Variants in TACR3 observed in about 807,000 individuals in gnomAD.
TACR3 encodes neuromedin-K receptor.
Under a neutral mutation model 35.0 loss-of-function variants are expected in TACR3, and 34 were observed. The ratio of observed to expected loss-of-function variants is 0.97; its 90% CI spans 0.74 to 1.30. The LOEUF (loss-of-function observed/expected upper bound fraction) is 1.30. TACR3 is among the 50% of genes most tolerant of loss of function. The pLI is 0.00. For synonymous variants in TACR3, 233 were observed against 221.1 expected, an observed-to-expected ratio of 1.05 and a Z score of -0.48; for missense variants, 558 against 591.7, an observed-to-expected ratio of 0.94 and a Z score of 0.59.
intron 1 of TACR3, among the ~76,000 whole-genome samples, chr4:103,699,727 A>C (rs1017263199): frequency 1.3e-5 from 2 of 152,140 alleles, no homozygotes; most frequent in Non-Finnish European, 2.9e-5. Flanking sequence ...ATATGTATGA[A>C]AGATGAGATG....
chr4:103,601,959 T>C (rs36137476), intron 3 of TACR3, among the ~76,000 whole-genome samples: 77,624 of 152,140 alleles, frequency 0.51, 23,164 homozygotes, highest in Non-Finnish European at 0.64. Context: ...GAAGTTCTCC[T>C]AGATAGTATC....
chr4:103,630,079 A>G (rs1417483863), intron 3 of TACR3, among the ~76,000 whole-genome samples: 1 of 152,176 alleles, frequency 6.6e-6, no homozygotes, highest in Admixed American at 6.5e-5. Flanking sequence ...GACAAAAACA[A>G]GAAATGGAGA....
chr4:103,639,140 C>G (rs1307218272), intron 3 of TACR3, among the ~76,000 whole-genome samples: 1 of 152,010 alleles, frequency 6.6e-6, no homozygotes, highest in Non-Finnish European at 1.5e-5. Context: ...CACATGCACA[C>G]GTATGTTTAT....
At position 103,719,446 on chromosome 4, in the gene TACR3, T is replaced by C; in HGVS notation, c.230A>G (p.Gln77Arg). The change falls in exon 1 of 5, where the codon CAG becomes CGG. Residue 77 changes from glutamine to arginine, a missense_variant. Transcript: ENST00000304883. ...PSQPWANLTNQFVQPSWRIAL... is the reference protein window; with the variant it reads ...PSQPWANLTNRFVQPSWRIAL... The stretch of plus-strand genomic sequence containing the variant: ...GATGCGCCAGGACGGCTGCACGAAC[T>C]GGTTGGTGAGGTTGGCCCAGGGCTG... 6.2e-7 allele frequency: 1 copy of C among 1,614,196 alleles called. No homozygotes were observed. Among genetic ancestry groups the C allele is most frequent in the Non-Finnish European group, 8.5e-7 (1 of 1,180,018 alleles).
At chr4:103,658,678 A>G (rs1658877410) in intron 1 of TACR3, among the ~76,000 whole-genome samples, 1 of 152,078 alleles carries the variant, frequency 6.6e-6, no homozygotes, top group Non-Finnish European at 1.5e-5. Context: ...AAGAACACCC[A>G]TCTCTTGGGG....
intron 1 of TACR3, among the ~76,000 whole-genome samples, chr4:103,681,194 AT>A (rs1467364100): frequency 6.6e-6 from 1 of 152,048 alleles, no homozygotes; most frequent in Admixed American, 6.6e-5. Context: ...AGGCAGTCAA[AT>A]CACATACAGT....
At chr4:103,717,779 T>G (rs1432438791) in intron 1 of TACR3, among the ~76,000 whole-genome samples, 1 of 151,430 alleles carries the variant, frequency 6.6e-6, no homozygotes, top group Admixed American at 6.6e-5. Context: ...TGTAGTAAGA[T>G]TAGAGGCAAT....
intron 3 of TACR3, among the ~76,000 whole-genome samples, chr4:103,607,356 A>G (rs528865333): frequency 6.6e-6 from 1 of 152,256 alleles, no homozygotes; most frequent in South Asian, 2.1e-4. Context: ...TTTCAGACTC[A>G]GTTTATGAAC....
At chr4:103,597,115 C>T (rs1453784565) in intron 3 of TACR3, among the ~76,000 whole-genome samples, 1 of 150,002 alleles carries the variant, frequency 6.7e-6, no homozygotes, top group Non-Finnish European at 1.5e-5. Flanking sequence ...GGGTATATAC[C>T]CAGTAATGGG....
intron 3 of TACR3, 63 bp downstream of exon 3, chr4:103,656,130 AT>A (rs1725729009): frequency 6.3e-7 from 1 of 1,580,318 alleles, no homozygotes; most frequent in Non-Finnish European, 8.7e-7. Flanking sequence ...CCATGACTAG[AT>A]TGCTTTTCTT....
intron 1 of TACR3, among the ~76,000 whole-genome samples, chr4:103,708,243 G>C (rs924818099): frequency 6.6e-6 from 1 of 152,170 alleles, no homozygotes; most frequent in African/African-American, 2.4e-5. Flanking sequence ...TAAATGGGAG[G>C]TACCCCTCCA....
chr4:103,716,245 G>C (rs1315342592), intron 1 of TACR3, among the ~76,000 whole-genome samples: 1 of 151,650 alleles, frequency 6.6e-6, no homozygotes, highest in African/African-American at 2.4e-5. Flanking sequence ...GTGTGTGTGT[G>C]TGTGTGTGTG....
At chr4:103,709,998 G>T (rs111419471) in intron 1 of TACR3, among the ~76,000 whole-genome samples, 6,630 of 152,240 alleles carry the variant, frequency 0.044, 170 homozygotes, top group Non-Finnish European at 0.05. Flanking sequence ...GGAGCACCCA[G>T]ATTCATAAAG....
chr4:103,662,881 G>T (rs1405274822), intron 1 of TACR3, among the ~76,000 whole-genome samples: 3 of 152,106 alleles, frequency 2.0e-5, no homozygotes, highest in African/African-American at 7.2e-5. Flanking sequence ...CAAACTTCCA[G>T]CCACCAGAAC....
chr4:103,656,157 C>G, intron 3 of TACR3, 37 bp downstream of exon 3: 1 of 1,611,200 alleles, frequency 6.2e-7, no homozygotes, highest in Non-Finnish European at 8.5e-7. Context: ...TATACCATAA[C>G]CTATACAAAT....
chr4:103,674,315 GTT>G (rs372315536), intron 1 of TACR3, among the ~76,000 whole-genome samples: 1 of 144,272 alleles, frequency 6.9e-6, no homozygotes, highest in Admixed American at 6.9e-5. Flanking sequence ...ATGTTTTTCT[GTT>G]TTTTTTTTTT....
At position 103,616,838 on chromosome 4, in the gene TACR3, C is replaced by A. The variant is rs1016939969; in HGVS notation, c.889-25155G>T. On this transcript the variant is annotated intron_variant, in intron 3 of 4. Transcript: ENST00000304883. ...TGGCATGTGCTTGTAGTCCCAGCTA[C>A]TCAGGAGGCTGAGGTGGGCATGTCG... 2.0e-5 allele frequency among the ~76,000 whole-genome samples: 3 copies of A among 152,158 alleles called. No individual in the cohort carries two copies. In the East Asian group the frequency reaches 5.8e-4, roughly 29 times the overall value.
chr4:103,635,807 G>A (rs573149365), intron 3 of TACR3, among the ~76,000 whole-genome samples: 3 of 151,958 alleles, frequency 2.0e-5, no homozygotes, highest in Non-Finnish European at 2.9e-5. Context: ...ATAAGTTAAT[G>A]AGCCTAGAAA....
At chr4:103,601,581 G>T (rs1342510762) in intron 3 of TACR3, among the ~76,000 whole-genome samples, 1 of 152,168 alleles carries the variant, frequency 6.6e-6, no homozygotes, top group East Asian at 1.9e-4. Flanking sequence ...GGCAGGCCTG[G>T]TGGTGACAAA....
Sources: gnomAD v4.1 joint callset for allele counts (sites outside exome capture counted in the v4.1 genomes callset) on GRCh38, gnomAD v4.1.1 for gene constraint, MANE v1.5 for transcripts, NCBI Gene and HGNC (gene_info 2026-07-23, HGNC 2026-07-21) for gene names.